Variants in KCNK17 observed in about 807,000 individuals in gnomAD.
KCNK17 encodes potassium channel subfamily K member 17.
KCNK17 carries 27 observed loss-of-function variants against 24.6 expected under a neutral mutation model. The observed-to-expected ratio is 1.10, with a 90% CI of 0.81 to 1.51. KCNK17 has a LOEUF of 1.51. Among genes scored for constraint, KCNK17 ranks in the 40% most tolerant of loss-of-function variants. The pLI, the probability that KCNK17 is intolerant of heterozygous loss-of-function variation, is 0.00. For missense variants in KCNK17, 450 were observed against 436.6 expected (o/e 1.03, Z -0.27); for synonymous variants, 181 against 189.8 (o/e 0.95, Z 0.38).
At chr6:39,303,915 C>G (rs748308059) in intron 4 of KCNK17, 42 bp downstream of exon 4, 1 of 1,597,980 alleles carries the variant, frequency 6.3e-7, no homozygotes. Flanking sequence ...GAGGTATAGG[C>G]AGCCGAATGT....
chr6:39,314,347 G>T lies in KCNK17; in HGVS notation c.-27C>A. The stretch of plus-strand genomic sequence containing the variant: ...GCGGGAGAGGCGGGGAGCCGGCGCC[G>T]GGAGCGGTGGACTAGGACCCGGTGG... On this transcript the variant is annotated 5_prime_UTR_variant, in exon 1 of 5. Coordinates refer to ENST00000373231, the MANE Select transcript of KCNK17 (RefSeq NM_031460.4). The T allele has an allele frequency of 7.3e-7, 1 of 1,375,430 alleles. No individual in the cohort carries two copies. Among genetic ancestry groups the T allele is most frequent in the South Asian group, 1.6e-5 (1 of 60,910 alleles). 85.2% of individuals were successfully genotyped at this position (1,375,430 alleles called of 1,614,324 possible). A position where few individuals can be genotyped will look rare whatever the true frequency, so the allele number is the denominator to read the frequency against.
intron 2 of KCNK17, among the ~76,000 whole-genome samples, chr6:39,304,918 G>C (rs1335482825): frequency 6.6e-6 from 1 of 152,230 alleles, no homozygotes; most frequent in Non-Finnish European, 1.5e-5. Flanking sequence ...GAAGCTCTAG[G>C]AGGCTAAGCT....
At chr6:39,305,254 TC>T (rs1177531053) in intron 2 of KCNK17, among the ~76,000 whole-genome samples, 1 of 152,208 alleles carries the variant, frequency 6.6e-6, no homozygotes, top group Non-Finnish European at 1.5e-5. Context: ...TCTCCTTCCT[TC>T]CCTCTCTCCT....
intron 1 of KCNK17, among the ~76,000 whole-genome samples, chr6:39,312,730 C>A (rs1304689349): frequency 2.0e-5 from 3 of 152,238 alleles, no homozygotes; most frequent in Non-Finnish European, 4.4e-5. Flanking sequence ...TAATCACCAT[C>A]ATAGCCATCT....
chr6:39,308,376 C>T (rs948892349), intron 2 of KCNK17, among the ~76,000 whole-genome samples: 2 of 152,198 alleles, frequency 1.3e-5, no homozygotes, highest in Non-Finnish European at 2.9e-5. Flanking sequence ...CTGCAACCTC[C>T]GCCTCCCAGG....
At chr6:39,306,828 G>A (rs1368069765) in intron 2 of KCNK17, among the ~76,000 whole-genome samples, 2 of 149,858 alleles carry the variant, frequency 1.3e-5, no homozygotes, top group African/African-American at 2.5e-5. Flanking sequence ...GCAGTGGCGC[G>A]ATCTCGGCTC....
intron 2 of KCNK17, among the ~76,000 whole-genome samples, chr6:39,305,190 C>T (rs1323702966): frequency 6.6e-6 from 1 of 152,198 alleles, no homozygotes; most frequent in African/African-American, 2.4e-5. Context: ...TCCCCATGGC[C>T]TGGCCCAGAC....
Position 39,304,619 on chromosome 6 carries a change from C to T in KCNK17, c.389G>A (p.Arg130His), listed in dbSNP as rs142227833. The change falls in exon 3 of 5, where the codon CGC becomes CAC. Residue 130 changes from arginine (R) to histidine (H), a missense_variant. By Grantham distance (29) the Arg-to-His change is conservative. Coordinates refer to ENST00000373231, the MANE Select transcript of KCNK17 (RefSeq NM_031460.4). ...GNLSPNTMAA[R>H]LFCIFFALVG... ...AAGGGCAAAGAAGATGCAGAAGAGGCGGGCAGCCATCGTGTTGGGGCTCAG... is the reference window on the plus strand; with the variant it reads ...AAGGGCAAAGAAGATGCAGAAGAGGTGGGCAGCCATCGTGTTGGGGCTCAG... 7.9e-5 allele frequency: 128 copies of T among 1,613,608 alleles called. 1 individual carries two copies. Among genetic ancestry groups the T allele is most frequent in the Middle Eastern group, 3.3e-4 (2 of 6,060 alleles).
intron 2 of KCNK17, 147 bp downstream of exon 2, chr6:39,310,746 C>T (rs1000654575): frequency 1.2e-4 from 71 of 588,468 alleles, no homozygotes; most frequent in Non-Finnish European, 1.8e-4. Context: ...CGAGACTGCT[C>T]CCAGGCGGTG....
chr6:39,301,511 C>T (rs1305306435), intron 4 of KCNK17, among the ~76,000 whole-genome samples: 2 of 152,262 alleles, frequency 1.3e-5, no homozygotes, highest in Non-Finnish European at 2.9e-5. Context: ...GGCTATGATT[C>T]CGCTGATGGT....
At chr6:39,305,537 C>G (rs1201923657) in intron 2 of KCNK17, among the ~76,000 whole-genome samples, 1 of 152,060 alleles carries the variant, frequency 6.6e-6, no homozygotes, top group Non-Finnish European at 1.5e-5. Flanking sequence ...AGAGGGGAAG[C>G]TAGGGGAGGA....
chr6:39,300,531 C>G (rs1326940481), intron 4 of KCNK17: 1 of 1,550,934 alleles, frequency 6.4e-7, no homozygotes, highest in African/African-American at 1.4e-5. Flanking sequence ...TTGCTGGAGC[C>G]AGGGGATTTG....
intron 1 of KCNK17, among the ~76,000 whole-genome samples, chr6:39,311,908 G>A (rs6928045): frequency 0.018 from 2,753 of 152,286 alleles, 74 homozygotes; most frequent in African/African-American, 0.058. Flanking sequence ...GCTTGGCTTT[G>A]CCATGCCAGG....
In KCNK17 at chr6:39,300,487, C is replaced by T. The variant is rs1761934357; in HGVS notation, c.689-750G>A. The T allele has an allele frequency of 3.2e-6, 5 of 1,551,104 alleles. No individual in the cohort carries two copies. The Admixed American group carries it at 5.9e-5, about 18-fold the overall frequency. ...TGTCCGCTCTAGTGTTTGCCAGTCT[C>T]TGTTTGGTTTTCTCGTATCTGAAAT... On this transcript the variant is annotated intron_variant, in intron 4 of 4. Coordinates refer to ENST00000373231, the MANE Select transcript of KCNK17 (RefSeq NM_031460.4).
At position 39,299,197 on chromosome 6, in the gene KCNK17, G is replaced by A. The variant is rs1761899127; in HGVS notation, c.*230C>T. ...CATCATATCGGCGGCATTGCAGCCC[G>A]CTAAAGTAAGGAAGTGGGGGAGAAG... On this transcript the variant is annotated 3_prime_UTR_variant, in exon 5 of 5. Transcript: ENST00000373231. 5.7e-6 allele frequency: 3 copies of A among 530,702 alleles called. No individual in the cohort carries two copies. Among genetic ancestry groups the A allele is most frequent in the South Asian group, 2.4e-5 (1 of 41,220 alleles). The allele number at this position is 530,702 out of a possible 1,614,324, so 32.9% of individuals were successfully genotyped here.
chr6:39,300,182 G>C (rs1306971906), intron 4 of KCNK17, among the ~76,000 whole-genome samples: 1 of 152,166 alleles, frequency 6.6e-6, no homozygotes, highest in Non-Finnish European at 1.5e-5. Flanking sequence ...GAGTTTAGTG[G>C]CGTGATCTCG....
At position 39,314,144 on chromosome 6, in the gene KCNK17, C is replaced by T; in HGVS notation, c.177G>A (p.Lys59=). 3.1e-6 allele frequency: 5 copies of T among 1,588,750 alleles called. No homozygotes were observed. Among genetic ancestry groups the T allele is most frequent in the Non-Finnish European group, 4.3e-6 (5 of 1,170,746 alleles). ...ACGTGAAGTTCTGCAACAGCTCCCA[C>T]TTGTCGCGCTGGAAGCTGCGGCTGG... ...QDSSRSFQRD[K]WELLQNFTCL... Residue 59 remains lysine (K), a synonymous_variant, in exon 1 of 5, where the codon AAG becomes AAA. Transcript: ENST00000373231.
intron 2 of KCNK17, among the ~76,000 whole-genome samples, chr6:39,308,244 G>A (rs988923019): frequency 2.0e-5 from 3 of 152,094 alleles, no homozygotes; most frequent in Non-Finnish European, 4.4e-5. Context: ...CCCACACTAG[G>A]TACATATGTA....
chr6:39,304,200 G>C (rs1761995592), intron 3 of KCNK17, 69 bp from the exon 4 acceptor site: 1 of 1,482,688 alleles, frequency 6.7e-7, no homozygotes, highest in Admixed American at 1.9e-5. Context: ...GAGGGAGCTG[G>C]AGGCAGGCCA....
Sources: gnomAD v4.1 joint callset for allele counts (sites outside exome capture counted in the v4.1 genomes callset) on GRCh38, gnomAD v4.1.1 for gene constraint, MANE v1.5 for transcripts, NCBI Gene and HGNC (gene_info 2026-07-23, HGNC 2026-07-21) for gene names.